FLACC1: variants seen among roughly 807,000 people sequenced by gnomAD.
FLACC1 encodes the protein flagellum associated containing coiled-coil domains 1.
Under a neutral mutation model 62.8 loss-of-function variants are expected in FLACC1, and 66 were observed. That is an observed-to-expected ratio of 1.05 (90% CI 0.86 to 1.29). The LOEUF is 1.29. FLACC1 is among the 50% of genes most tolerant of loss of function. The pLI is 0.00. For missense variants in FLACC1, 452 were observed against 489.1 expected (o/e 0.92, Z 0.71); for synonymous variants, 156 against 161.0 (o/e 0.97, Z 0.24).
At chr2:201,350,042 G>C (rs1950993973) in intron 3 of FLACC1, among the ~76,000 whole-genome samples, 3 of 152,178 alleles carry the variant, frequency 2.0e-5, no homozygotes, top group Admixed American at 1.3e-4. Context: ...CCAGGTGAGA[G>C]GGAGATTATT....
chr2:201,333,618 T>C (rs1036944134), intron 7 of FLACC1, among the ~76,000 whole-genome samples: 1 of 142,514 alleles, frequency 7.0e-6, no homozygotes, highest in African/African-American at 2.6e-5. Flanking sequence ...TGTGTTCTCG[T>C]TGTTCAATTC....
chr2:201,306,107 A>G (rs991250797), intron 11 of FLACC1, among the ~76,000 whole-genome samples: 4 of 152,026 alleles, frequency 2.6e-5, no homozygotes, highest in South Asian at 4.1e-4. Context: ...AATAAAAAAA[A>G]AAAGAAAGAA....
At chr2:201,324,302 G>T (rs1381242400) in intron 9 of FLACC1, among the ~76,000 whole-genome samples, 1 of 152,084 alleles carries the variant, frequency 6.6e-6, no homozygotes, top group Non-Finnish European at 1.5e-5. Context: ...CCAACAAGAA[G>T]ATATTACAAT....
At chr2:201,298,863 C>T (rs970423534) in intron 12 of FLACC1, among the ~76,000 whole-genome samples, 2 of 152,190 alleles carry the variant, frequency 1.3e-5, no homozygotes, top group African/African-American at 4.8e-5. Flanking sequence ...TAAGGAGGGG[C>T]TTGGTGACAG....
intron 6 of FLACC1, 106 bp downstream of exon 6, chr2:201,344,064 G>T (rs978394728): frequency 3.3e-6 from 3 of 908,772 alleles, no homozygotes; most frequent in Non-Finnish European, 3.4e-6. Context: ...TGGACAACAT[G>T]GCTCATATGA....
chr2:201,351,698 C>T (rs1330980886), intron 1 of FLACC1: 3 of 279,634 alleles, frequency 1.1e-5, no homozygotes, highest in South Asian at 4.5e-5. Context: ...AATCCCAGCA[C>T]TTTGGGAGGC....
At chr2:201,360,649 G>C (rs1951178420), upstream of FLACC1, among the ~76,000 whole-genome samples, 1 of 152,200 alleles carries the variant, frequency 6.6e-6, no homozygotes, top group Non-Finnish European at 1.5e-5. Context: ...GACCCGACCA[G>C]GTAGCCACAG....
chr2:201,356,697 T>C (rs1410410948), intron 1 of FLACC1, among the ~76,000 whole-genome samples: 1 of 152,246 alleles, frequency 6.6e-6, no homozygotes, highest in Non-Finnish European at 1.5e-5. Context: ...CTTGTTCTTT[T>C]TGTGTAACAG....
chr2:201,359,246 G>A (rs1306393981), upstream of FLACC1, among the ~76,000 whole-genome samples: 2 of 152,204 alleles, frequency 1.3e-5, no homozygotes, highest in Non-Finnish European at 2.9e-5. Context: ...AGTGTGGAGG[G>A]ATAAACAGGT....
At chr2:201,297,532 G>A (rs1446211515) in intron 12 of FLACC1, among the ~76,000 whole-genome samples, 1 of 152,194 alleles carries the variant, frequency 6.6e-6, no homozygotes, top group Non-Finnish European at 1.5e-5. Context: ...TAAGACAGGT[G>A]AATGTTGCAA....
chr2:201,330,746 T>C lies in FLACC1; in HGVS notation c.612A>G (p.Gln204=). The C allele has an allele frequency of 6.2e-7, 1 of 1,613,948 alleles. No individual in the cohort carries two copies. The highest frequency in any genetic ancestry group is 1.3e-5 in the African/African-American group (1 of 75,024). Residue 204 remains glutamine, a synonymous_variant, in exon 8 of 15, where the codon CAA becomes CAG. Coordinates refer to ENST00000392257, the MANE Select transcript of FLACC1 (RefSeq NM_001127391.3). ...AGGTCCCAGCAGTACCTAGCTTCTC[T>C]TGGGCAGCCAACTTCTCTGCCTTCA... ...AALKAEKLAA[Q]EKLEEMGKEY... is the part of the protein sequence containing the mutation.
intron 7 of FLACC1, among the ~76,000 whole-genome samples, chr2:201,341,444 C>T (rs1035404400): frequency 4.7e-5 from 7 of 147,918 alleles, no homozygotes; most frequent in African/African-American, 1.5e-4. Context: ...ACTATAGTAA[C>T]CATTATACTA....
At position 201,299,283 on chromosome 2, in the gene FLACC1, A is replaced by G. The variant is rs1949929112; in HGVS notation, c.897T>C (p.His299=). The G allele has an allele frequency of 1.2e-6, 2 of 1,613,622 alleles. No individual in the cohort carries two copies. Among genetic ancestry groups the G allele is most frequent in the African/African-American group, 2.7e-5 (2 of 74,878 alleles). The change falls in exon 12 of 15, where the codon CAT becomes CAC. Residue 299 remains histidine, a synonymous_variant. Coordinates refer to ENST00000392257, the MANE Select transcript of FLACC1 (RefSeq NM_001127391.3). The part of the protein sequence containing the change: ...IQEKEELLKQ[H]QSDTLQLEEL... Reference sequence around the variant, plus strand: ...CTTCTAATTGCAAGGTGTCACTTTGATGTTGTTTCAAGAGCTCCTAAAAAC... The same window carrying G: ...CTTCTAATTGCAAGGTGTCACTTTGGTGTTGTTTCAAGAGCTCCTAAAAAC...
At chr2:201,362,280 C>T (rs1951191821), upstream of FLACC1, among the ~76,000 whole-genome samples, 1 of 152,014 alleles carries the variant, frequency 6.6e-6, no homozygotes, top group African/African-American at 2.4e-5. Flanking sequence ...AGCTTCATTT[C>T]TCACAAGATG....
chr2:201,323,805 T>TAAAAAAA lies in FLACC1; in HGVS notation c.675+6664_675+6665insTTTTTTT, dbSNP rs1576447085. 4.9e-3 allele frequency among the ~76,000 whole-genome samples: 377 copies of TAAAAAAA among 77,476 alleles called. 9 individuals carry two copies. The highest frequency in any genetic ancestry group is 8.1e-3 in the South Asian group (14 of 1,718). 50.8% of individuals were successfully genotyped at this position (77,476 alleles called of 152,430 possible). On this transcript the variant is annotated intron_variant, in intron 9 of 14. Coordinates refer to ENST00000392257, the MANE Select transcript of FLACC1 (RefSeq NM_001127391.3). ...CTATCAAAAAAAAAAAAAAAAAAAG[T>TAAAAAAA]AAGGAAGGAAGGAAGGAAAGAAAAG... is the stretch of plus-strand genomic sequence containing the variant.
At position 201,293,817 on chromosome 2, in the gene FLACC1, CA is replaced by C. The variant is rs199562054; in HGVS notation, c.943-4033del. ...AAAAGAGAGAAGAATCAAATAGACG[CA>C]AAAAAAAACGATAAAGGGGATATCA... is the stretch of plus-strand genomic sequence containing the variant. On this transcript the variant is annotated intron_variant, in intron 12 of 14. Coordinates refer to ENST00000392257, the MANE Select transcript of FLACC1 (RefSeq NM_001127391.3). Among the ~76,000 whole-genome samples the C allele has an allele frequency of 3.0e-4, 45 of 148,876 alleles. 1 individual carries two copies. The South Asian group carries it at 6.3e-3, about 21-fold the overall frequency.
chr2:201,305,275 A>G (rs1325851264), intron 11 of FLACC1, among the ~76,000 whole-genome samples: 2 of 152,250 alleles, frequency 1.3e-5, no homozygotes, highest in African/African-American at 2.4e-5. Context: ...TGGGCGAAGG[A>G]TATGAACAGA....
At chr2:201,290,251 C>A (rs999612946) in intron 12 of FLACC1, among the ~76,000 whole-genome samples, 3 of 152,004 alleles carry the variant, frequency 2.0e-5, no homozygotes, top group Non-Finnish European at 4.4e-5. Context: ...GAATGTACAA[C>A]ACAAAGAGAG....
At chr2:201,335,853 C>A (rs1482161340) in intron 7 of FLACC1, among the ~76,000 whole-genome samples, 1 of 151,970 alleles carries the variant, frequency 6.6e-6, no homozygotes. Flanking sequence ...TTTCTTTTAC[C>A]GATGCTCCAT....
Sources: gnomAD v4.1 joint callset for allele counts (sites outside exome capture counted in the v4.1 genomes callset) on GRCh38, gnomAD v4.1.1 for gene constraint, MANE v1.5 for transcripts, NCBI Gene and HGNC (gene_info 2026-07-23, HGNC 2026-07-21) for gene names.